The following GRM3 variants were observed in gnomAD, a reference collection of about 807,000 sequenced individuals.
GRM3 encodes glutamate metabotropic receptor 3, also known as metabotropic glutamate receptor 3.
A neutral mutation model predicts 70.5 loss-of-function variants in GRM3; 26 were observed. The observed-to-expected ratio is 0.37, with a 90% CI of 0.27 to 0.51. GRM3 has a LOEUF of 0.51. Among genes scored for constraint, GRM3 ranks in the 20% least tolerant of loss-of-function variants. The pLI is 0.93. For synonymous variants in GRM3, 443 were observed against 434.9 expected, an observed-to-expected ratio of 1.02 and a Z score of -0.23; for missense variants, 859 against 1,123.8, an observed-to-expected ratio of 0.76 and a Z score of 3.37.
intron 2 of GRM3, among the ~76,000 whole-genome samples, chr7:86,775,490 T>C (rs1428681428): frequency 6.6e-6 from 1 of 152,110 alleles, no homozygotes; most frequent in African/African-American, 2.4e-5. Flanking sequence ...CTGATTGCCC[T>C]TCCCTGATTC....
chr7:86,694,703 G>C (rs1794775507), intron 1 of GRM3, among the ~76,000 whole-genome samples: 1 of 151,952 alleles, frequency 6.6e-6, no homozygotes, highest in Admixed American at 6.6e-5. Flanking sequence ...AAAGTATCTG[G>C]TTTCACTTAA....
chr7:86,838,531 C>A (rs2116733758), intron 3 of GRM3, among the ~76,000 whole-genome samples: 1 of 152,246 alleles, frequency 6.6e-6, no homozygotes, highest in Middle Eastern at 3.4e-3. Context: ...GGAATACATG[C>A]CCATCATAAA....
chr7:86,709,031 C>T (rs1414132403), intron 1 of GRM3, among the ~76,000 whole-genome samples: 1 of 151,830 alleles, frequency 6.6e-6, no homozygotes, highest in Non-Finnish European at 1.5e-5. Flanking sequence ...ACTTTGACAC[C>T]TAAATTACAA....
At chr7:86,785,968 T>A (rs1396898009) in intron 2 of GRM3, 1 of 252,840 alleles carries the variant, frequency 4.0e-6, no homozygotes, top group Non-Finnish European at 7.6e-6. Flanking sequence ...ACAGGTTTTA[T>A]CCTAGTCTAG....
chr7:86,717,605 C>T (rs1562836630), intron 1 of GRM3, among the ~76,000 whole-genome samples: 1 of 151,954 alleles, frequency 6.6e-6, no homozygotes, highest in East Asian at 1.9e-4. Context: ...ATCAAATTCC[C>T]TAGAAATGAT....
intron 4 of GRM3, among the ~76,000 whole-genome samples, chr7:86,842,598 G>A (rs888712919): frequency 2.0e-5 from 3 of 152,114 alleles, no homozygotes; most frequent in African/African-American, 7.2e-5. Context: ...GTGTGGTTCG[G>A]ACAGAATTAG....
At chr7:86,766,056 T>C (rs150987853) in intron 2 of GRM3, among the ~76,000 whole-genome samples, 107 of 152,210 alleles carry the variant, frequency 7.0e-4, no homozygotes, top group Middle Eastern at 6.8e-3. Flanking sequence ...TACAAAGCTC[T>C]TTCAAGTTTC....
intron 1 of GRM3, among the ~76,000 whole-genome samples, chr7:86,712,360 G>A (rs1795218269): frequency 6.6e-6 from 1 of 151,892 alleles, no homozygotes; most frequent in Non-Finnish European, 1.5e-5. Flanking sequence ...ACCTTTAATA[G>A]TTTCATTTAA....
At chr7:86,658,505 G>T (rs998928523) in intron 1 of GRM3, among the ~76,000 whole-genome samples, 1 of 152,038 alleles carries the variant, frequency 6.6e-6, no homozygotes, top group Admixed American at 6.6e-5. Flanking sequence ...TAGTAGGTTG[G>T]TTCTTCTTGC....
intron 1 of GRM3, among the ~76,000 whole-genome samples, chr7:86,648,433 T>A (rs1793530333): frequency 6.6e-6 from 1 of 152,204 alleles, no homozygotes; most frequent in African/African-American, 2.4e-5. Flanking sequence ...GCTGTTGTCA[T>A]GTAAATTCCA....
chr7:86,775,609 G>T (rs1288213199), intron 2 of GRM3, among the ~76,000 whole-genome samples: 1 of 151,956 alleles, frequency 6.6e-6, no homozygotes. Flanking sequence ...AAAGAACAAA[G>T]TTCAAAATAC....
At chr7:86,668,455 C>T (rs796889608) in intron 1 of GRM3, among the ~76,000 whole-genome samples, 4 of 152,126 alleles carry the variant, frequency 2.6e-5, no homozygotes, top group African/African-American at 9.6e-5. Context: ...CTCTATCCAC[C>T]CCATTGGACT....
intron 1 of GRM3, among the ~76,000 whole-genome samples, chr7:86,686,549 GC>G (rs1794573243): frequency 6.6e-6 from 1 of 152,186 alleles, no homozygotes; most frequent in African/African-American, 2.4e-5. Context: ...AAAACTTCAA[GC>G]TTTGAGTTGA....
At position 86,852,911 on chromosome 7, in the gene GRM3, A is replaced by G. The variant is rs566259641; in HGVS notation, c.2566+2367A>G. Among the ~76,000 whole-genome samples, 59 of 152,320 alleles carry G rather than the reference A, an allele frequency of 3.9e-4. 1 individual carries two copies. Among genetic ancestry groups the G allele is most frequent in the Middle Eastern group, 3.4e-3 (1 of 294 alleles). On this transcript the variant is annotated intron_variant, in intron 5 of 5. Coordinates refer to ENST00000361669, the MANE Select transcript of GRM3 (RefSeq NM_000840.3). ...AGGATATACAGTGATACAAGAGTCA[A>G]GAGTTGAGCCTGATTTCCTGACTTT... is the stretch of plus-strand genomic sequence containing the variant.
chr7:86,864,638 C>CAAAAAAAAAA lies in GRM3; in HGVS notation c.*286_*295dup, dbSNP rs796541263. 2 of 45,372 alleles carry CAAAAAAAAAA rather than the reference C, an allele frequency of 4.4e-5. No homozygotes were observed. Among genetic ancestry groups the CAAAAAAAAAA allele is most frequent in the African/African-American group, 1.0e-4 (1 of 9,818 alleles). 2.8% of individuals were successfully genotyped at this position (45,372 alleles called of 1,614,324 possible). A position where few individuals can be genotyped will look rare whatever the true frequency, so the allele number is the denominator to read the frequency against. On this transcript the variant is annotated 3_prime_UTR_variant, in exon 6 of 6. Transcript: ENST00000361669. ...CTGACATGGTCAGTCTACTAAAAAA[C>CAAAAAAAAAA]AAAAAAAAAAAACAAAAAAAAAAAA...
chr7:86,864,129 TAGTATACACTGAAC>T (rs1337049756), intron 5 of GRM3, among the ~76,000 whole-genome samples, 139 bp from the exon 6 acceptor site: 1 of 152,108 alleles, frequency 6.6e-6, no homozygotes, highest in East Asian at 1.9e-4. Flanking sequence ...ATCACCTGGG[TAGTATACACTGAAC>T]TCCAATTTGT....
At position 86,786,425 on chromosome 7, in the gene GRM3, C is replaced by T. The variant is rs373078448; in HGVS notation, c.633C>T (p.Thr211=). ...AGATCTTGCGCTTCTTCAACTGGAC[C>T]TACGTGTCCACAGTAGCCTCCGAGG... ...MAEILRFFNW[T]YVSTVASEGD... Residue 211 remains threonine (T), a synonymous_variant, in exon 3 of 6, where the codon ACC becomes ACT. Coordinates refer to ENST00000361669, the MANE Select transcript of GRM3 (RefSeq NM_000840.3). This position sits in a 1 kb window ranked among gnomAD's most constrained non-coding sequence, Gnocchi z 6.0. 1 of 1,614,172 alleles carries T rather than the reference C, an allele frequency of 6.2e-7. No homozygotes were observed. The highest frequency in any genetic ancestry group is 8.5e-7 in the Non-Finnish European group (1 of 1,179,998).
At chr7:86,830,201 C>T (rs1798323369) in intron 3 of GRM3, among the ~76,000 whole-genome samples, 1 of 152,156 alleles carries the variant, frequency 6.6e-6, no homozygotes, top group Non-Finnish European at 1.5e-5. Context: ...TACCACTCTA[C>T]CATAAACCAA....
intron 5 of GRM3, 53 bp downstream of exon 5, chr7:86,850,597 C>G: frequency 1.2e-5 from 14 of 1,211,328 alleles, no homozygotes; most frequent in Non-Finnish European, 1.7e-5. Flanking sequence ...GTAGTCAGGA[C>G]CAGCCTGCCA....
Sources: gnomAD v4.1 joint callset for allele counts (sites outside exome capture counted in the v4.1 genomes callset) on GRCh38, gnomAD v4.1.1 for gene constraint, Gnocchi (gnomAD v3.1) non-coding constraint, MANE v1.5 for transcripts, NCBI Gene and HGNC (gene_info 2026-07-23, HGNC 2026-07-21) for gene names.